The following TMEM63C variants were observed in gnomAD, a reference collection of about 807,000 sequenced individuals.
TMEM63C encodes transmembrane protein 63C, also known as osmosensitive cation channel TMEM63C.
A neutral mutation model predicts 99.2 loss-of-function variants in TMEM63C; 32 were observed. That is an observed-to-expected ratio of 0.32 (90% CI 0.24 to 0.43). The LOEUF is 0.43. TMEM63C is among the 20% of genes least tolerant of loss of function. TMEM63C has a pLI of 1.00. For synonymous variants in TMEM63C, 376 were observed against 397.9 expected, an observed-to-expected ratio of 0.94 and a Z score of 0.66; for missense variants, 826 against 1,053.0, an observed-to-expected ratio of 0.78 and a Z score of 2.98.
Position 77,249,285 on chromosome 14 carries a change from C to T in TMEM63C, c.1871-6C>T. On this transcript the variant is annotated splice_region_variant and splice_polypyrimidine_tract_variant and intron_variant, in intron 20 of 23. Transcript: ENST00000298351. ...CACTGAGTAAGTTTCCACCTTTGTC[C>T]CCCAGGGTTGCTCTACCTGTGCATG... 4.3e-6 allele frequency: 7 copies of T among 1,613,748 alleles called. No homozygotes were observed. Among genetic ancestry groups the T allele is most frequent in the Non-Finnish European group, 5.9e-6 (7 of 1,179,748 alleles).
rs765262905 is a variant in TMEM63C at position 77,253,352 on chromosome 14, C to T, written c.2196C>T (p.Ser732=). ...IQTVFDMEPS[S]TSSTPTSLLY... The stretch of plus-strand genomic sequence containing the variant: ...CAGTGTTTGACATGGAGCCAAGCAG[C>T]ACCTCCTCCACGCCCACCTCCCTCG... The change falls in exon 23 of 24, where the codon AGC becomes AGT. Residue 732 remains serine (S), a synonymous_variant. Transcript: ENST00000298351. 12 of 1,612,400 alleles carry T rather than the reference C, an allele frequency of 7.4e-6. No homozygotes were observed. Among genetic ancestry groups the T allele is most frequent in the Non-Finnish European group, 1.0e-5 (12 of 1,179,468 alleles).
intron 1 of TMEM63C, among the ~76,000 whole-genome samples, chr14:77,194,334 ATATGTGTGTG>A (rs1407726037): frequency 0.011 from 766 of 72,026 alleles, 16 homozygotes; most frequent in East Asian, 0.023. Flanking sequence ...AGATATATAT[ATATGTGTGTG>A]TGTGTGTGTG....
At chr14:77,185,900 G>C (rs1372203158) in intron 1 of TMEM63C, among the ~76,000 whole-genome samples, 1 of 152,100 alleles carries the variant, frequency 6.6e-6, no homozygotes, top group Admixed American at 6.5e-5. Flanking sequence ...GCGGAAAGGT[G>C]CCCAGCTTGG....
At chr14:77,201,655 G>A (rs1477960099) in intron 1 of TMEM63C, among the ~76,000 whole-genome samples, 2 of 152,218 alleles carry the variant, frequency 1.3e-5, no homozygotes, top group East Asian at 1.9e-4. Context: ...AGGGCCCAGC[G>A]ATCTGTGATG....
intron 2 of TMEM63C, among the ~76,000 whole-genome samples, chr14:77,216,806 G>A (rs1032083126): frequency 4.6e-5 from 7 of 152,064 alleles, no homozygotes; most frequent in East Asian, 3.9e-4. Context: ...TCTCCTGCCC[G>A]GACCCTGGCC....
At chr14:77,212,382 T>C (rs1283463300) in intron 1 of TMEM63C, 1 of 152,234 alleles carries the variant, frequency 6.6e-6, no homozygotes, top group African/African-American at 2.4e-5. Context: ...CCAGACAGCC[T>C]TTGTCCTATA....
intron 1 of TMEM63C, among the ~76,000 whole-genome samples, chr14:77,182,878 G>A (rs564093077): frequency 6.6e-6 from 1 of 152,240 alleles, no homozygotes; most frequent in East Asian, 1.9e-4. Flanking sequence ...TGATGGGAAT[G>A]AGGAGATGAA....
rs775584559 is a variant in TMEM63C at position 77,238,732 on chromosome 14, C to T, written c.690C>T (p.Asp230=). 2 of 1,613,990 alleles carry T rather than the reference C, an allele frequency of 1.2e-6. No homozygotes were observed. Among genetic ancestry groups the T allele is most frequent in the Non-Finnish European group, 1.7e-6 (2 of 1,179,844 alleles). Residue 230 remains aspartate (D), a synonymous_variant, in exon 10 of 24, where the codon GAC becomes GAT. Transcript: ENST00000298351. ...TAATGATCACCTATGTGCCCAAGGA[C>T]ATTGAAGACCCAGAACTCATCATTA... is the stretch of plus-strand genomic sequence containing the variant. The part of the protein sequence containing the change: ...RTLMITYVPK[D]IEDPELIIKH...
At chr14:77,208,968 A>G (rs1298107673) in intron 1 of TMEM63C, among the ~76,000 whole-genome samples, 1 of 151,614 alleles carries the variant, frequency 6.6e-6, no homozygotes, top group East Asian at 1.9e-4. Flanking sequence ...GGAAGGTGGA[A>G]CTGCAATCCT....
chr14:77,202,653 GC>G (rs1888317600), intron 1 of TMEM63C, among the ~76,000 whole-genome samples: 2 of 152,122 alleles, frequency 1.3e-5, no homozygotes. Context: ...GGATTCAGGG[GC>G]CACCCTCATC....
chr14:77,202,242 A>G (rs926313778), intron 1 of TMEM63C, among the ~76,000 whole-genome samples: 9 of 81,142 alleles, frequency 1.1e-4, no homozygotes, highest in African/African-American at 3.7e-4. Context: ...CTATAATCAC[A>G]AACACATTCC....
chr14:77,195,362 T>G (rs1431204114), intron 1 of TMEM63C, among the ~76,000 whole-genome samples: 1 of 152,192 alleles, frequency 6.6e-6, no homozygotes, highest in East Asian at 1.9e-4. Context: ...GATGCTGCTT[T>G]CAGGAAAGGG....
chr14:77,237,888 C>T (rs1376559566), intron 9 of TMEM63C, among the ~76,000 whole-genome samples: 1 of 152,224 alleles, frequency 6.6e-6, no homozygotes, highest in African/African-American at 2.4e-5. Flanking sequence ...GGTGTGGAAT[C>T]AGCTCCTTCC....
intron 1 of TMEM63C, among the ~76,000 whole-genome samples, chr14:77,199,745 C>T (rs142564312): frequency 1.6e-3 from 238 of 152,228 alleles, no homozygotes; most frequent in African/African-American, 5.4e-3. Flanking sequence ...GGAAGTGCTC[C>T]GGGCAGGGCC....
At chr14:77,251,500 G>A (rs1485971334) in intron 21 of TMEM63C, among the ~76,000 whole-genome samples, 1 of 152,220 alleles carries the variant, frequency 6.6e-6, no homozygotes, top group Non-Finnish European at 1.5e-5. Context: ...TCCCAGGGAC[G>A]ATGGTGTTGG....
chr14:77,208,037 C>T (rs1317726680), intron 1 of TMEM63C, among the ~76,000 whole-genome samples: 2 of 151,830 alleles, frequency 1.3e-5, no homozygotes, highest in Non-Finnish European at 2.9e-5. Flanking sequence ...CTGGGCAAGT[C>T]TTTTAACCTC....
At chr14:77,206,843 G>T (rs1888410865) in intron 1 of TMEM63C, among the ~76,000 whole-genome samples, 1 of 152,074 alleles carries the variant, frequency 6.6e-6, no homozygotes, top group African/African-American at 2.4e-5. Flanking sequence ...AGAAAAAAAT[G>T]TTAAGGACTG....
In TMEM63C at chr14:77,244,523, G is replaced by A. The variant is rs562668642; in HGVS notation, c.1448+68G>A. 3.2e-5 allele frequency: 41 copies of A among 1,286,336 alleles called. No homozygotes were observed. In the Middle Eastern group the frequency reaches 1.3e-3, roughly 41 times the overall value. The allele number at this position is 1,286,336 out of a possible 1,614,324, so 79.7% of individuals were successfully genotyped here. ...CCTCTTCCCCTGCCCTGGCTTCCCC[G>A]CCAGCCTGGCACTTGGGCCTCCCCT... On this transcript the variant is annotated intron_variant, in intron 16 of 23. Coordinates refer to ENST00000298351, the MANE Select transcript of TMEM63C (RefSeq NM_020431.4).
At chr14:77,204,989 G>A (rs558516589) in intron 1 of TMEM63C, among the ~76,000 whole-genome samples, 1 of 152,346 alleles carries the variant, frequency 6.6e-6, no homozygotes, top group East Asian at 1.9e-4. Context: ...AGGACTTGGG[G>A]AGCTGGGCCT....
Sources: allele counts gnomAD v4.1 joint callset (sites outside exome capture counted in the v4.1 genomes callset), GRCh38; gene constraint gnomAD v4.1.1; transcripts MANE v1.5; gene names NCBI Gene and HGNC (gene_info 2026-07-23, HGNC 2026-07-21).